Variants in DBX2 observed in about 807,000 individuals in gnomAD.
DBX2 encodes homeobox protein DBX2.
A neutral mutation model predicts 17.7 loss-of-function variants in DBX2; 16 were observed. The observed-to-expected ratio is 0.90, with a 90% confidence interval of 0.61 to 1.37. The LOEUF is 1.37. Ranked by LOEUF, DBX2 falls within the 40% of genes most tolerant of loss-of-function variation. The pLI is 0.00. For synonymous variants in DBX2, 255 were observed against 183.8 expected, an observed-to-expected ratio of 1.39 and a Z score of -3.13; for missense variants, 538 against 433.8, an observed-to-expected ratio of 1.24 and a Z score of -2.13.
chr12:45,029,921 G>T (rs1237045522), intron 2 of DBX2, among the ~76,000 whole-genome samples: 1 of 105,238 alleles, frequency 9.5e-6, no homozygotes, highest in Non-Finnish European at 2.0e-5. Context: ...TAAAAATAAA[G>T]AATGACCTGG....
At chr12:45,049,726 T>C (rs940541169) in intron 1 of DBX2, among the ~76,000 whole-genome samples, 6 of 152,096 alleles carry the variant, frequency 3.9e-5, no homozygotes, top group African/African-American at 1.4e-4. Context: ...TTCCCTTTTA[T>C]CACTGACAAT....
chr12:45,021,959 C>T (rs1477422759), intron 3 of DBX2, among the ~76,000 whole-genome samples: 1 of 152,168 alleles, frequency 6.6e-6, no homozygotes, highest in Non-Finnish European at 1.5e-5. Context: ...TTTATCAATA[C>T]TCCCTGTTAT....
chr12:45,022,614 T>A (rs779513836), intron 3 of DBX2, among the ~76,000 whole-genome samples: 9 of 152,070 alleles, frequency 5.9e-5, no homozygotes, highest in Non-Finnish European at 1.0e-4. Context: ...AATAACTGGT[T>A]TTAATAAGGT....
At position 45,016,208 on chromosome 12, in the gene DBX2, G is replaced by A. The variant is rs1946322250; in HGVS notation, c.*78C>T. ...GTTGTTAGGCTCTAAGCACTGATGA[G>A]GTACAAGCTAGCTGGCATTAGAGTC... On this transcript the variant is annotated 3_prime_UTR_variant, in exon 4 of 4. Coordinates refer to ENST00000332700, the MANE Select transcript of DBX2 (RefSeq NM_001004329.3). The A allele has an allele frequency of 3.5e-6, 5 of 1,441,014 alleles. No individual in the cohort carries two copies. Among genetic ancestry groups the A allele is most frequent in the Non-Finnish European group, 4.6e-6 (5 of 1,076,826 alleles). The allele number at this position is 1,441,014 out of a possible 1,614,324, so 89.3% of individuals were successfully genotyped here.
intron 1 of DBX2, among the ~76,000 whole-genome samples, chr12:45,040,239 G>A (rs567933274): frequency 6.6e-5 from 10 of 152,190 alleles, no homozygotes; most frequent in South Asian, 6.2e-4. Flanking sequence ...TCTTTCTCCC[G>A]TGCTTCCTTC....
At chr12:45,020,675 G>GTATATATATATATATATA (rs10649840) in intron 3 of DBX2, among the ~76,000 whole-genome samples, 2 of 146,008 alleles carry the variant, frequency 1.4e-5, no homozygotes, top group African/African-American at 5.0e-5. Context: ...GTATATATAT[G>GTATATATATATATATATA]TATATATATA....
chr12:45,025,077 G>C (rs1946374328), intron 2 of DBX2, among the ~76,000 whole-genome samples: 1 of 152,186 alleles, frequency 6.6e-6, no homozygotes, highest in African/African-American at 2.4e-5. Flanking sequence ...CTAATCCCCA[G>C]AACCTGTGAA....
chr12:45,041,804 A>G (rs1159958549), intron 1 of DBX2, among the ~76,000 whole-genome samples: 1 of 152,222 alleles, frequency 6.6e-6, no homozygotes, highest in Non-Finnish European at 1.5e-5. Context: ...TTGAAAAAGG[A>G]GTTTCCTTCC....
intron 1 of DBX2, 66 bp downstream of exon 1, chr12:45,050,459 A>G (rs1339902298): frequency 2.0e-6 from 3 of 1,526,394 alleles, no homozygotes; most frequent in Non-Finnish European, 1.8e-6. Context: ...CGGCGCTCCC[A>G]GATCCCTGGA....
chr12:45,034,750 T>C (rs1306736901), intron 2 of DBX2, among the ~76,000 whole-genome samples: 1 of 152,208 alleles, frequency 6.6e-6, no homozygotes, highest in South Asian at 2.1e-4. Context: ...TATTTTTCAG[T>C]CAAGTGCTTT....
At chr12:45,046,343 G>T (rs930319880) in intron 1 of DBX2, among the ~76,000 whole-genome samples, 2 of 152,098 alleles carry the variant, frequency 1.3e-5, no homozygotes, top group Non-Finnish European at 2.9e-5. Flanking sequence ...TTCCACCAAA[G>T]GATGACTGGA....
chr12:45,022,669 A>G (rs1946360298), intron 3 of DBX2, among the ~76,000 whole-genome samples: 1 of 152,176 alleles, frequency 6.6e-6, no homozygotes. Context: ...ACAACAGTAG[A>G]GCATGGTGGT....
intron 1 of DBX2, 71 bp downstream of exon 1, chr12:45,050,454 C>T (rs1946523818): frequency 2.0e-6 from 3 of 1,514,890 alleles, no homozygotes; most frequent in African/African-American, 1.4e-5. Context: ...ACCGCCGGCG[C>T]TCCCAGATCC....
intron 2 of DBX2, among the ~76,000 whole-genome samples, chr12:45,032,966 G>A (rs1219901200): frequency 6.6e-6 from 1 of 152,142 alleles, no homozygotes; most frequent in African/African-American, 2.4e-5. Context: ...GAACCTTGCG[G>A]TTGTAATATC....
At chr12:45,046,165 T>G (rs1946498980) in intron 1 of DBX2, among the ~76,000 whole-genome samples, 1 of 152,158 alleles carries the variant, frequency 6.6e-6, no homozygotes, top group African/African-American at 2.4e-5. Flanking sequence ...CTGCAAGAAC[T>G]TCTCCTTGAA....
chr12:45,024,734 C>G (rs1041265508), intron 2 of DBX2, among the ~76,000 whole-genome samples: 2 of 152,160 alleles, frequency 1.3e-5, no homozygotes, highest in African/African-American at 4.8e-5. Flanking sequence ...ATTGAACTAG[C>G]ATCACAAATG....
At chr12:45,036,297 G>A (rs900968851) in intron 1 of DBX2, among the ~76,000 whole-genome samples, 183 bp from the exon 2 acceptor site, 5 of 152,136 alleles carry the variant, frequency 3.3e-5, no homozygotes, top group African/African-American at 1.2e-4. Context: ...ATCAAGATTT[G>A]AGAGGGGTAG....
intron 2 of DBX2, among the ~76,000 whole-genome samples, chr12:45,034,109 TACACACACACACCCACACCCACAC>T (rs796419955): frequency 1.5e-4 from 20 of 137,078 alleles, no homozygotes; most frequent in African/African-American, 5.2e-4. Context: ...ATAAAATAAG[TACACACACACACCCACACCCACAC>T]ACACACACAC....
intron 1 of DBX2, 58 bp downstream of exon 1, chr12:45,050,466 TG>T: frequency 6.5e-7 from 1 of 1,534,590 alleles, no homozygotes; most frequent in Admixed American, 2.0e-5. Flanking sequence ...CCCAGATCCC[TG>T]GACCACCCGG....
Sources: allele counts gnomAD v4.1 joint callset (sites outside exome capture counted in the v4.1 genomes callset), GRCh38; gene constraint gnomAD v4.1.1; transcripts MANE v1.5; gene names NCBI Gene and HGNC (gene_info 2026-07-23, HGNC 2026-07-21).